The following RASGEF1B variants were observed in gnomAD, a reference collection of about 807,000 sequenced individuals.
RASGEF1B encodes the protein ras-GEF domain-containing family member 1B.
RASGEF1B carries 30 observed loss-of-function variants against 65.7 expected under a neutral mutation model. The observed-to-expected ratio is 0.46, with a 90% CI of 0.34 to 0.62. The LOEUF (loss-of-function observed/expected upper bound fraction) is 0.62. RASGEF1B is among the 20% of genes least tolerant of loss of function. The pLI is 0.01. For missense variants in RASGEF1B, 495 were observed against 580.1 expected, an observed-to-expected ratio of 0.85 and a Z score of 1.51; for synonymous variants, 175 against 194.8, an observed-to-expected ratio of 0.90 and a Z score of 0.85.
chr4:81,443,685 G>A (rs999758841), intron 8 of RASGEF1B, among the ~76,000 whole-genome samples: 1 of 152,126 alleles, frequency 6.6e-6, no homozygotes, highest in Non-Finnish European at 1.5e-5. Context: ...TTTGTAAATG[G>A]GCATTTGGAT....
chr4:81,439,901 C>G (rs1373557341), intron 10 of RASGEF1B, among the ~76,000 whole-genome samples: 2 of 152,124 alleles, frequency 1.3e-5, no homozygotes, highest in African/African-American at 4.8e-5. Flanking sequence ...ATTGTTAGAA[C>G]TGATATTTCA....
chr4:81,443,910 C>T (rs774683453), intron 8 of RASGEF1B, among the ~76,000 whole-genome samples: 4 of 152,146 alleles, frequency 2.6e-5, no homozygotes, highest in Non-Finnish European at 5.9e-5. Flanking sequence ...AATAAGAGCC[C>T]CACTTGTTCC....
intron 8 of RASGEF1B, among the ~76,000 whole-genome samples, chr4:81,444,130 G>T (rs777619087): frequency 6.6e-6 from 1 of 151,802 alleles, no homozygotes; most frequent in Non-Finnish European, 1.5e-5. Flanking sequence ...TTTTTTACTG[G>T]GTTATTTGTC....
At chr4:81,456,186 T>G (rs1722434542) in intron 4 of RASGEF1B, 1 of 357,166 alleles carries the variant, frequency 2.8e-6, no homozygotes, top group Non-Finnish European at 5.0e-6. Context: ...AGCGTATTTA[T>G]TTTCTTTCTG....
intron 1 of RASGEF1B, among the ~76,000 whole-genome samples, chr4:81,463,235 G>A (rs1339016575): frequency 6.6e-6 from 1 of 152,056 alleles, no homozygotes; most frequent in Non-Finnish European, 1.5e-5. Context: ...ACTGTCAACA[G>A]CAGTATTTAA....
intron 8 of RASGEF1B, 61 bp from the exon 9 acceptor site, chr4:81,442,437 C>A: frequency 1.1e-6 from 1 of 922,260 alleles, no homozygotes; most frequent in East Asian, 2.4e-5. Context: ...ATAAGAAAAA[C>A]GATAAACACA....
At chr4:81,435,721 CG>C (rs1161785824) in intron 10 of RASGEF1B, among the ~76,000 whole-genome samples, 2 of 149,596 alleles carry the variant, frequency 1.3e-5, no homozygotes, top group Non-Finnish European at 3.0e-5. Context: ...GTGATCCGCC[CG>C]CCTTGGCCTC....
chr4:81,468,836 A>G (rs982838109), intron 1 of RASGEF1B, among the ~76,000 whole-genome samples: 1 of 152,230 alleles, frequency 6.6e-6, no homozygotes, highest in African/African-American at 2.4e-5. Flanking sequence ...AGCAGTTATG[A>G]CAGACCTAAA....
intron 10 of RASGEF1B, among the ~76,000 whole-genome samples, chr4:81,437,195 T>G (rs1481099725): frequency 1.3e-5 from 2 of 152,256 alleles, no homozygotes; most frequent in African/African-American, 4.8e-5. Flanking sequence ...AGGCCTCTTT[T>G]TTATTGCCTA....
At chr4:81,450,949 A>G (rs1395344269) in intron 4 of RASGEF1B, 2 of 152,232 alleles carry the variant, frequency 1.3e-5, no homozygotes, top group Admixed American at 1.3e-4. Context: ...ACAAATGACT[A>G]CATGAGAGTT....
At chr4:81,461,664 G>T (rs1263638223) in intron 1 of RASGEF1B, among the ~76,000 whole-genome samples, 9 of 152,272 alleles carry the variant, frequency 5.9e-5, no homozygotes, top group Admixed American at 4.6e-4. Context: ...TAAAGTGGTG[G>T]TCTAAAGGCC....
chr4:81,465,936 T>G (rs189136717), intron 1 of RASGEF1B, among the ~76,000 whole-genome samples: 1 of 152,326 alleles, frequency 6.6e-6, no homozygotes, highest in East Asian at 1.9e-4. Context: ...AAAGGTTTAT[T>G]TTTTTCAATC....
At chr4:81,466,534 C>T (rs889688094) in intron 1 of RASGEF1B, among the ~76,000 whole-genome samples, 4 of 151,922 alleles carry the variant, frequency 2.6e-5, no homozygotes, top group East Asian at 1.9e-4. Context: ...CTGAGGTGGG[C>T]AGATCACAAA....
At chr4:81,441,993 T>A (rs905466182) in intron 9 of RASGEF1B, among the ~76,000 whole-genome samples, 17 of 152,182 alleles carry the variant, frequency 1.1e-4, no homozygotes, top group Non-Finnish European at 1.9e-4. Context: ...AGGCTCACAG[T>A]GAAGTAAAAC....
intron 3 of RASGEF1B, 93 bp downstream of exon 3, chr4:81,457,406 G>A (rs1722484689): frequency 2.1e-5 from 27 of 1,261,616 alleles, no homozygotes; most frequent in Non-Finnish European, 3.0e-5. Flanking sequence ...CTTCAGCCTG[G>A]GGATAAGCCA....
intron 1 of RASGEF1B, among the ~76,000 whole-genome samples, chr4:81,466,000 C>T (rs1159825979): frequency 6.6e-6 from 1 of 152,164 alleles, no homozygotes; most frequent in Non-Finnish European, 1.5e-5. Context: ...AATCCAATGC[C>T]TTGATGTTGA....
In RASGEF1B at chr4:81,434,734, T is replaced by C; in HGVS notation, c.1105A>G (p.Ile369Val). 1 of 1,527,026 alleles carries C rather than the reference T, an allele frequency of 6.5e-7. No homozygotes were observed. Among genetic ancestry groups the C allele is most frequent in the South Asian group, 1.1e-5 (1 of 88,828 alleles). The allele number at this position is 1,527,026 out of a possible 1,614,324, so 94.6% of individuals were successfully genotyped here. A position where few individuals can be genotyped will look rare whatever the true frequency, so the allele number is the denominator to read the frequency against. Residue 369 changes from isoleucine (I) to valine (V), a missense_variant and splice_region_variant, in exon 11 of 14, where the codon ATT becomes GTT. Ile to Val is a conservative substitution (Grantham distance 29). Coordinates refer to ENST00000264400, the MANE Select transcript of RASGEF1B (RefSeq NM_152545.3). ...SLTAHSSREK[I>V]VIPFFSLLIK... ...AAGAGACTGAAGAATGGTATCACAATCTAGAGGAAACAAAAGATTCTGGTT... is the reference window on the plus strand; with the variant it reads ...AAGAGACTGAAGAATGGTATCACAACCTAGAGGAAACAAAAGATTCTGGTT...
At chr4:81,432,020 AT>A (rs144119071) in intron 13 of RASGEF1B, among the ~76,000 whole-genome samples, 7 of 152,180 alleles carry the variant, frequency 4.6e-5, no homozygotes, top group African/African-American at 1.4e-4. Flanking sequence ...AAGTCAATGC[AT>A]TTTTTTTAAC....
intron 1 of RASGEF1B, among the ~76,000 whole-genome samples, chr4:81,470,067 A>C (rs915413697): frequency 6.6e-6 from 1 of 152,176 alleles, no homozygotes; most frequent in African/African-American, 2.4e-5. Flanking sequence ...CGCTGTTTGT[A>C]AACCCTGATA....
Sources: gnomAD v4.1 joint callset for allele counts (sites outside exome capture counted in the v4.1 genomes callset) on GRCh38, gnomAD v4.1.1 for gene constraint, MANE v1.5 for transcripts, NCBI Gene and HGNC (gene_info 2026-07-23, HGNC 2026-07-21) for gene names.